The following CCDC191 variants were observed in gnomAD, a reference collection of about 807,000 sequenced individuals.
The protein encoded by CCDC191 is coiled-coil domain containing 191, also known as coiled-coil domain-containing protein 191.
A neutral mutation model predicts 114.0 loss-of-function variants in CCDC191; 99 were observed. The observed-to-expected ratio is 0.87, with a 90% CI of 0.74 to 1.03. CCDC191 has a LOEUF of 1.03. Among genes scored for constraint, CCDC191 ranks in the 50% least tolerant of loss-of-function variants. The pLI, the probability that CCDC191 is intolerant of heterozygous loss-of-function variation, is 0.00. For missense variants in CCDC191, 973 were observed against 1,087.0 expected (o/e 0.90, Z 1.47); for synonymous variants, 351 against 376.0 (o/e 0.93, Z 0.77).
chr3:113,986,949 T>G (rs930277237), intron 13 of CCDC191, among the ~76,000 whole-genome samples: 2 of 152,122 alleles, frequency 1.3e-5, no homozygotes. Flanking sequence ...CTTTGCAGCC[T>G]CTAAAACTGT....
chr3:114,006,518 T>C (rs1428795089), intron 9 of CCDC191, among the ~76,000 whole-genome samples: 1 of 148,624 alleles, frequency 6.7e-6, no homozygotes, highest in African/African-American at 2.5e-5. Context: ...ACATTCGTAA[T>C]AGCAAAAATC....
At chr3:114,052,787 A>G (rs565243199) in intron 2 of CCDC191, among the ~76,000 whole-genome samples, 53 of 152,344 alleles carry the variant, frequency 3.5e-4, no homozygotes, top group African/African-American at 1.3e-3. Context: ...AGGATCTATT[A>G]TATCTATCTG....
intron 3 of CCDC191, among the ~76,000 whole-genome samples, chr3:114,043,763 C>A (rs1407345930): frequency 1.3e-5 from 2 of 151,964 alleles, no homozygotes; most frequent in Non-Finnish European, 2.9e-5. Flanking sequence ...TATAATAATC[C>A]AAAAGAGAGG....
chr3:114,054,295 T>G (rs913929276), intron 1 of CCDC191: 3 of 152,204 alleles, frequency 2.0e-5, no homozygotes, highest in African/African-American at 7.2e-5. Context: ...GAATTCCCTC[T>G]AATAGTCACT....
chr3:114,035,224 T>C, intron 5 of CCDC191, 76 bp from the exon 6 acceptor site: 1 of 1,092,600 alleles, frequency 9.2e-7, no homozygotes, highest in Non-Finnish European at 1.4e-6. Flanking sequence ...CAATACATTT[T>C]GAAGTTCAGA....
chr3:114,018,703 C>T lies in CCDC191; in HGVS notation c.1138G>A (p.Glu380Lys). The T allele has an allele frequency of 6.2e-7, 1 of 1,611,334 alleles. No individual in the cohort carries two copies. The highest frequency in any genetic ancestry group is 1.1e-5 in the South Asian group (1 of 90,570). The change falls in exon 8 of 17, where the codon GAA (glutamate) becomes AAA (lysine). Residue 380 changes from glutamate to lysine, a missense_variant. By Grantham distance (56) the Glu-to-Lys change is moderately conservative. Coordinates refer to ENST00000295878, the MANE Select transcript of CCDC191 (RefSeq NM_020817.2). The stretch of plus-strand genomic sequence containing the variant: ...CTGTTTTCTTCCCTAAGATCATTTT[C>T]CAAGGCTTGAGTCTCCCGCTCCAAC... ...QKLERETQAL[E>K]NDLREENRKQ...
chr3:114,025,191 T>A (rs1405465621), intron 7 of CCDC191, among the ~76,000 whole-genome samples: 1 of 151,538 alleles, frequency 6.6e-6, no homozygotes, highest in Non-Finnish European at 1.5e-5. Context: ...GTCTGTTATA[T>A]CCTGGAATAT....
rs1299681031 is a variant in CCDC191, at chr3:114,042,751, T to C, written c.367A>G (p.Thr123Ala). 3 of 1,597,560 alleles carry C rather than the reference T, an allele frequency of 1.9e-6. No individual in the cohort carries two copies. The highest frequency in any genetic ancestry group is 1.7e-6 in the Non-Finnish European group (2 of 1,174,496). Reference protein sequence around the residue: ...GDAKNTVSSVTIMPEANGHLK... With the variant: ...GDAKNTVSSVAIMPEANGHLK... ...TGGCCATTGGCTTCCGGCATAATAGTGACACTTGACACAGTGTTTTTAGCA... is the reference window on the plus strand; with the variant it reads ...TGGCCATTGGCTTCCGGCATAATAGCGACACTTGACACAGTGTTTTTAGCA... The change falls in exon 4 of 17, where the codon ACT becomes GCT. Residue 123 changes from threonine (T) to alanine (A), a missense_variant. Thr to Ala is a moderately conservative substitution (Grantham distance 58). Transcript: ENST00000295878.
At chr3:113,970,350 C>T (rs1262258877) in intron 16 of CCDC191, among the ~76,000 whole-genome samples, 1 of 151,892 alleles carries the variant, frequency 6.6e-6, no homozygotes, top group African/African-American at 2.4e-5. Flanking sequence ...TTTTTAAAGA[C>T]AGGGTTTCTC....
chr3:114,048,426 C>T (rs1473510207), intron 2 of CCDC191, among the ~76,000 whole-genome samples: 4 of 152,218 alleles, frequency 2.6e-5, no homozygotes, highest in Non-Finnish European at 5.9e-5. Context: ...GGTCCTGCCA[C>T]GCAGCCCTTT....
chr3:113,973,663 G>A (rs370113527), intron 16 of CCDC191, among the ~76,000 whole-genome samples: 4 of 150,356 alleles, frequency 2.7e-5, no homozygotes, highest in Non-Finnish European at 3.0e-5. Flanking sequence ...GGCCTATACC[G>A]TTTCTGCTGA....
chr3:114,010,684 A>G, intron 9 of CCDC191, 88 bp downstream of exon 9: 1 of 1,356,478 alleles, frequency 7.4e-7, no homozygotes, highest in Non-Finnish European at 1.0e-6. Context: ...GATAGCCTAG[A>G]CAAAGCAATC....
chr3:114,048,525 C>T (rs1201798918), intron 2 of CCDC191, among the ~76,000 whole-genome samples: 2 of 152,182 alleles, frequency 1.3e-5, no homozygotes, highest in African/African-American at 2.4e-5. Flanking sequence ...CTCAAATATG[C>T]TCAGTGTGTT....
chr3:114,011,166 T>C (rs1475851600), intron 8 of CCDC191, 145 bp from the exon 9 acceptor site: 3 of 937,090 alleles, frequency 3.2e-6, no homozygotes, highest in Non-Finnish European at 4.7e-6. Flanking sequence ...CTAAATGAAA[T>C]TGCTTTATAA....
At chr3:114,006,615 T>TATATATATATATATATATATATATATAA (rs1371654689) in intron 9 of CCDC191, among the ~76,000 whole-genome samples, 53 of 84,714 alleles carry the variant, frequency 6.3e-4, no homozygotes, top group Non-Finnish European at 1.0e-3. Context: ...TATATATATA[T>TATATATATATATATATATATATATATAA]ATAAATATAT....
intron 7 of CCDC191, among the ~76,000 whole-genome samples, chr3:114,024,602 A>G (rs1405256444): frequency 1.3e-5 from 2 of 152,188 alleles, no homozygotes; most frequent in East Asian, 1.9e-4. Context: ...TCGCAAGGAC[A>G]AAAAACCAAA....
At chr3:113,978,497 G>A (rs992176577) in intron 15 of CCDC191, 166 bp from the exon 16 acceptor site, 7 of 689,102 alleles carry the variant, frequency 1.0e-5, no homozygotes, top group Non-Finnish European at 1.7e-5. Context: ...CCTCTATAAT[G>A]TATCCTAAAA....
intron 1 of CCDC191, among the ~76,000 whole-genome samples, chr3:114,055,221 C>G (rs2076753361): frequency 6.6e-6 from 1 of 152,064 alleles, no homozygotes. Flanking sequence ...TTGAAGAAGC[C>G]CTATGTTTTT....
chr3:114,056,557 C>T (rs1406237279), upstream of CCDC191: 1 of 1,606,410 alleles, frequency 6.2e-7, no homozygotes, highest in South Asian at 1.1e-5. Context: ...ATTGTAGTTC[C>T]TCCGCCCGCA....
Sources: allele counts gnomAD v4.1 joint callset (sites outside exome capture counted in the v4.1 genomes callset), GRCh38; gene constraint gnomAD v4.1.1; transcripts MANE v1.5; gene names NCBI Gene and HGNC (gene_info 2026-07-23, HGNC 2026-07-21).